The following NKAIN3 variants were observed in gnomAD, a reference collection of about 807,000 sequenced individuals.
NKAIN3 encodes the protein sodium/potassium transporting ATPase interacting 3, also known as sodium/potassium-transporting ATPase subunit beta-1-interacting protein 3.
In NKAIN3, 25 loss-of-function variants were observed where a neutral mutation model predicts 30.2. The observed-to-expected ratio is 0.83, with a 90% confidence interval of 0.60 to 1.16. The LOEUF (loss-of-function observed/expected upper bound fraction) is 1.16. Ranked by LOEUF, NKAIN3 falls within the 50% of genes most tolerant of loss-of-function variation. The probability of loss-of-function intolerance (pLI) is 0.00; values close to 1 mark genes in which losing one functional copy is unlikely to be tolerated. For synonymous variants in NKAIN3, 91 were observed against 89.6 expected (o/e 1.02, Z -0.09); for missense variants, 225 against 254.1 (o/e 0.89, Z 0.78).
chr8:62,510,974 T>C (rs1807798550), intron 1 of NKAIN3, among the ~76,000 whole-genome samples: 1 of 151,992 alleles, frequency 6.6e-6, no homozygotes, highest in Admixed American at 6.6e-5. Context: ...TGCTCCCAGG[T>C]TTCTGTCCAG....
At chr8:62,735,362 CTTTCTTTCTTTCTTTCT>C (rs1300317359) in intron 3 of NKAIN3, among the ~76,000 whole-genome samples, 4 of 22,590 alleles carry the variant, frequency 1.8e-4, no homozygotes, top group Non-Finnish European at 1.7e-4. Context: ...TTCTTTCTTT[CTTTCTTTCTTTCTTTCT>C]TTTTTTTTTT....
At chr8:62,655,541 A>C (rs897955841) in intron 3 of NKAIN3, among the ~76,000 whole-genome samples, 2 of 149,664 alleles carry the variant, frequency 1.3e-5, no homozygotes, top group African/African-American at 4.9e-5. Flanking sequence ...ATATCCATAT[A>C]AAAAACAGGT....
intron 3 of NKAIN3, among the ~76,000 whole-genome samples, chr8:62,687,063 G>A (rs149982537): frequency 1.3e-5 from 2 of 152,180 alleles, no homozygotes; most frequent in African/African-American, 2.4e-5. Context: ...TAATGATTAT[G>A]AAAAGGAAGA....
Position 62,870,483 on chromosome 8 carries a change from T to C in NKAIN3, c.472-47970T>C, listed in dbSNP as rs529471726. Among the ~76,000 whole-genome samples the C allele has an allele frequency of 2.2e-5, 3 of 137,382 alleles. No individual in the cohort carries two copies. In the South Asian group the frequency reaches 6.6e-4, roughly 30 times the overall value. 90.1% of individuals were successfully genotyped at this position (137,382 alleles called of 152,430 possible). ...GTATATACATATATATTGTATATAA[T>C]GTACAATAAGTACAATATATACAAT... is the stretch of plus-strand genomic sequence containing the variant. On this transcript the variant is annotated intron_variant, in intron 4 of 6. Transcript: ENST00000623646.
At chr8:62,869,724 G>C (rs115827502) in intron 4 of NKAIN3, among the ~76,000 whole-genome samples, 2,444 of 152,118 alleles carry the variant, frequency 0.016, 76 homozygotes, top group African/African-American at 0.056. Flanking sequence ...GACTGAGGGC[G>C]GCACTGTCAG....
intron 1 of NKAIN3, among the ~76,000 whole-genome samples, chr8:62,327,975 A>G (rs1462186495): frequency 6.6e-6 from 1 of 151,984 alleles, no homozygotes; most frequent in Non-Finnish European, 1.5e-5. Context: ...TAGAGTTTTC[A>G]TTGCAGAGGA....
chr8:62,907,712 G>T (rs1426189500), intron 4 of NKAIN3, among the ~76,000 whole-genome samples: 3 of 152,174 alleles, frequency 2.0e-5, no homozygotes, highest in Non-Finnish European at 4.4e-5. Context: ...CGTGGTATTG[G>T]GCTTGCAGAG....
At chr8:62,899,921 G>A (rs1821551456) in intron 4 of NKAIN3, among the ~76,000 whole-genome samples, 1 of 151,468 alleles carries the variant, frequency 6.6e-6, no homozygotes, top group Non-Finnish European at 1.5e-5. Flanking sequence ...TACATATTGG[G>A]TACAATGTAC....
intron 3 of NKAIN3, among the ~76,000 whole-genome samples, chr8:62,715,680 G>A (rs967666915): frequency 9.9e-5 from 15 of 152,186 alleles, no homozygotes; most frequent in African/African-American, 3.1e-4. Context: ...TCATTGTTAC[G>A]TTATTGTGAC....
intron 4 of NKAIN3, among the ~76,000 whole-genome samples, chr8:62,806,519 T>C (rs1031746748): frequency 1.3e-5 from 2 of 151,998 alleles, no homozygotes; most frequent in African/African-American, 2.4e-5. Context: ...ATGGATGAAA[T>C]TGGATATCAT....
rs1178962124 is a variant in NKAIN3, at chr8:62,984,698, C to A, written c.*19291C>A. On this transcript the variant is annotated 3_prime_UTR_variant, in exon 7 of 7. Transcript: ENST00000623646. The stretch of plus-strand genomic sequence containing the variant: ...TTATACAAACTGATAACAAGACTTG[C>A]TTTCACAATTACTATTTACATTTTT... 6.6e-6 allele frequency: 1 copy of A among 152,140 alleles called. No homozygotes were observed. Among genetic ancestry groups the A allele is most frequent in the African/African-American group, 2.4e-5 (1 of 41,438 alleles). 9.4% of individuals were successfully genotyped at this position (152,140 alleles called of 1,614,324 possible). A position where few individuals can be genotyped will look rare whatever the true frequency, so the allele number is the denominator to read the frequency against.
intron 3 of NKAIN3, among the ~76,000 whole-genome samples, chr8:62,700,603 T>C (rs1814303550): frequency 6.6e-6 from 1 of 152,202 alleles, no homozygotes; most frequent in Admixed American, 6.5e-5. Flanking sequence ...GAATCACCTA[T>C]TAATCATCAC....
chr8:62,454,529 A>T (rs955836391), intron 1 of NKAIN3, among the ~76,000 whole-genome samples: 10 of 146,376 alleles, frequency 6.8e-5, no homozygotes, highest in African/African-American at 2.5e-4. Flanking sequence ...TGGGGTAAAA[A>T]CTATAAATTG....
At chr8:62,431,011 C>T (rs1487974933) in intron 1 of NKAIN3, among the ~76,000 whole-genome samples, 1 of 151,758 alleles carries the variant, frequency 6.6e-6, no homozygotes, top group Non-Finnish European at 1.5e-5. Flanking sequence ...AATGGCAAAG[C>T]ATTTGGACTT....
At chr8:62,817,226 A>T (rs904744773) in intron 4 of NKAIN3, among the ~76,000 whole-genome samples, 1 of 152,162 alleles carries the variant, frequency 6.6e-6, no homozygotes, top group South Asian at 2.1e-4. Context: ...CTAGTCAGCC[A>T]TCTTGATGAC....
chr8:62,589,690 TCTCC>T lies in NKAIN3; in HGVS notation c.193-18_193-15del. 1 of 1,190,130 alleles carries T rather than the reference TCTCC, an allele frequency of 8.4e-7. No individual in the cohort carries two copies. The highest frequency in any genetic ancestry group is 1.2e-6 in the Non-Finnish European group (1 of 816,092). 73.7% of individuals were successfully genotyped at this position (1,190,130 alleles called of 1,614,324 possible). A position where few individuals can be genotyped will look rare whatever the true frequency, so the allele number is the denominator to read the frequency against. On this transcript the variant is annotated intron_variant, in intron 2 of 6. Coordinates refer to ENST00000623646, the MANE Select transcript of NKAIN3 (RefSeq NM_001304533.3). Reference sequence around the variant, plus strand: ...TTCATCTCCATATTTTTCTTCTCTTTCTCCCTCCCCCATTTCTATCTAGTATACA... The same window carrying T: ...TTCATCTCCATATTTTTCTTCTCTTTCTCCCCCATTTCTATCTAGTATACA...
intron 5 of NKAIN3, chr8:62,990,778 G>A (rs1275173611): frequency 1.3e-5 from 2 of 152,170 alleles, no homozygotes; most frequent in African/African-American, 2.4e-5. Context: ...ATTACACATT[G>A]AGGGACCAAC....
intron 1 of NKAIN3, among the ~76,000 whole-genome samples, chr8:62,430,001 C>T (rs999388436): frequency 6.6e-6 from 1 of 151,790 alleles, no homozygotes; most frequent in Non-Finnish European, 1.5e-5. Flanking sequence ...ACTTTCCATT[C>T]TCCCAACCTT....
At chr8:62,930,948 C>G (rs764024364) in intron 5 of NKAIN3, among the ~76,000 whole-genome samples, 1 of 152,088 alleles carries the variant, frequency 6.6e-6, no homozygotes, top group Non-Finnish European at 1.5e-5. Flanking sequence ...ACCTCATGAT[C>G]CTCCCACCTT....
Sources: gnomAD v4.1 joint callset for allele counts (sites outside exome capture counted in the v4.1 genomes callset) on GRCh38, gnomAD v4.1.1 for gene constraint, MANE v1.5 for transcripts, NCBI Gene and HGNC (gene_info 2026-07-23, HGNC 2026-07-21) for gene names.